Variants in LRTM2 observed in about 807,000 individuals in gnomAD.
LRTM2 encodes the protein leucine-rich repeat and transmembrane domain-containing protein 2.
Under a neutral mutation model 28.1 loss-of-function variants are expected in LRTM2, and 18 were observed. The observed-to-expected ratio is 0.64, with a 90% CI of 0.44 to 0.95. LRTM2 has a LOEUF of 0.95. LRTM2 is among the 40% of genes least tolerant of loss of function. LRTM2 has a pLI of 0.00. For missense variants in LRTM2, 436 were observed against 497.2 expected (o/e 0.88, Z 1.17); for synonymous variants, 250 against 218.7 (o/e 1.14, Z -1.26).
At position 1,827,464 on chromosome 12, in the gene LRTM2, A is replaced by G. The variant is rs1592684161; in HGVS notation, c.-204A>G. ...AGTCTTATTATAGCCCGGCTGGCGG[A>G]AGACAGAGTGCTGCTATTCACCTCT... On this transcript the variant is annotated 5_prime_UTR_variant, in exon 2 of 5. Transcript: ENST00000299194. The G allele has an allele frequency of 6.5e-6, 1 of 152,772 alleles. No homozygotes were observed. 9.5% of individuals were successfully genotyped at this position (152,772 alleles called of 1,614,324 possible).
intron 1 of LRTM2, among the ~76,000 whole-genome samples, chr12:1,824,504 G>C (rs1864238146): frequency 6.6e-6 from 1 of 152,194 alleles, no homozygotes; most frequent in Non-Finnish European, 1.5e-5. Flanking sequence ...GGGACTCCGT[G>C]GAGGCCTGGC....
intron 1 of LRTM2, among the ~76,000 whole-genome samples, chr12:1,823,912 C>A (rs753195672): frequency 2.6e-5 from 4 of 152,190 alleles, no homozygotes; most frequent in Admixed American, 6.5e-5. Flanking sequence ...GTAACCCCCA[C>A]GTGTAAGCAG....
At chr12:1,832,276 G>T (rs763484011) in intron 4 of LRTM2, among the ~76,000 whole-genome samples, 1 of 152,200 alleles carries the variant, frequency 6.6e-6, no homozygotes, top group Non-Finnish European at 1.5e-5. Context: ...TTACCCTTTC[G>T]CTGTGGCAGG....
Position 1,829,165 on chromosome 12 carries a change from G to A in LRTM2, c.67+950G>A, listed in dbSNP as rs139851754. ...TTTATGCCACCTTGATCTCCAGGGA[G>A]GTGGGGGGCGCAGGGAGTCGCTCTT... On this transcript the variant is annotated intron_variant, in intron 3 of 4. Transcript: ENST00000299194. The surrounding 1 kb of genome is among the most constrained non-coding windows in gnomAD (Gnocchi z 4.2). Among the ~76,000 whole-genome samples the A allele has an allele frequency of 1.2e-4, 18 of 152,098 alleles. No homozygotes were observed. The East Asian group carries it at 3.5e-3, about 29-fold the overall frequency.
rs746885379 is a variant in LRTM2 at position 1,831,069 on chromosome 12, G to A, written c.202G>A (p.Ala68Thr). The A allele has an allele frequency of 3.5e-5, 57 of 1,613,856 alleles. No individual in the cohort carries two copies. Among genetic ancestry groups the A allele is most frequent in the South Asian group, 1.9e-4 (17 of 91,094 alleles). ...GLTTVPPDVP[A>T]ATRTLLLLNN... ...CACCACGGTGCCCCCAGACGTGCCC[G>A]CAGCCACCCGAACCCTCTTGCTCTT... Residue 68 changes from alanine to threonine, a missense_variant, in exon 4 of 5, where the codon GCA (alanine) becomes ACA (threonine). Coordinates refer to ENST00000299194, the MANE Select transcript of LRTM2 (RefSeq NM_001039029.3).
intron 4 of LRTM2, among the ~76,000 whole-genome samples, chr12:1,832,900 C>G (rs952693454): frequency 6.6e-6 from 1 of 152,184 alleles, no homozygotes; most frequent in Non-Finnish European, 1.5e-5. Context: ...GTGGGTCTTC[C>G]CAGCAGGGAA....
Position 1,831,398 on chromosome 12 carries a change from G to A in LRTM2, c.531G>A (p.Gln177=), listed in dbSNP as rs769368815. The A allele has an allele frequency of 2.1e-5, 34 of 1,614,116 alleles. 1 individual carries two copies. The highest frequency in any genetic ancestry group is 2.9e-5 in the Non-Finnish European group (34 of 1,180,034). The change falls in exon 4 of 5, where the codon CAG becomes CAA. Residue 177 remains glutamine (Q), a synonymous_variant. Coordinates refer to ENST00000299194, the MANE Select transcript of LRTM2 (RefSeq NM_001039029.3). ...TCTCGCTTCGCTCCAACCGTCTGCA[G>A]AATCTGGACCGGCTGACATTTGAAC... is the stretch of plus-strand genomic sequence containing the variant. ...RSLSLRSNRL[Q]NLDRLTFEPL... is the part of the protein sequence containing the mutation.
intron 1 of LRTM2, among the ~76,000 whole-genome samples, chr12:1,822,480 C>T (rs1864145156): frequency 6.8e-6 from 1 of 146,378 alleles, no homozygotes; most frequent in African/African-American, 2.5e-5. Context: ...AGGGACACCA[C>T]CCTGAGCCCG....
At position 1,828,035 on chromosome 12, in the gene LRTM2, C is replaced by T; in HGVS notation, c.-73-41C>T. On this transcript the variant is annotated intron_variant, in intron 2 of 4. Coordinates refer to ENST00000299194, the MANE Select transcript of LRTM2 (RefSeq NM_001039029.3). The surrounding 1 kb of genome is among the most constrained non-coding windows in gnomAD (Gnocchi z 4.2). Reference sequence around the variant, plus strand: ...CCCTAACCCCTGGGCTGGAACGGGGCTCCCGCGCCTGCCTGTGCTCAGTGC... The same window carrying T: ...CCCTAACCCCTGGGCTGGAACGGGGTTCCCGCGCCTGCCTGTGCTCAGTGC... 1 of 976,574 alleles carries T rather than the reference C, an allele frequency of 1.0e-6. No individual in the cohort carries two copies. Among genetic ancestry groups the T allele is most frequent in the Non-Finnish European group, 1.4e-6 (1 of 703,306 alleles). The allele number at this position is 976,574 out of a possible 1,614,324, so 60.5% of individuals were successfully genotyped here. A position where few individuals can be genotyped will look rare whatever the true frequency, so the allele number is the denominator to read the frequency against.
At chr12:1,821,520 G>T (rs1864100120) in intron 1 of LRTM2, among the ~76,000 whole-genome samples, 1 of 152,190 alleles carries the variant, frequency 6.6e-6, no homozygotes, top group Non-Finnish European at 1.5e-5. Context: ...GGAGAACCAG[G>T]CCCGCGAGAA....
intron 1 of LRTM2, among the ~76,000 whole-genome samples, chr12:1,826,377 C>T (rs1409617436): frequency 2.0e-5 from 3 of 148,016 alleles, no homozygotes; most frequent in Non-Finnish European, 3.0e-5. Flanking sequence ...GTTTAAAGAA[C>T]GGACCAGAGA....
Position 1,828,253 on chromosome 12 carries a change from G to C in LRTM2, c.67+38G>C. The stretch of plus-strand genomic sequence containing the variant: ...CTGGCCTCGGAGGGGGGTGCGGGTT[G>C]GGTGGGGGTGCCGAGGTGACTGTAG... On this transcript the variant is annotated intron_variant, in intron 3 of 4. Transcript: ENST00000299194. This position sits in a 1 kb window ranked among gnomAD's most constrained non-coding sequence, Gnocchi z 4.2. 1.3e-6 allele frequency: 2 copies of C among 1,511,268 alleles called. No individual in the cohort carries two copies. The highest frequency in any genetic ancestry group is 1.8e-6 in the Non-Finnish European group (2 of 1,123,614). 93.6% of individuals were successfully genotyped at this position (1,511,268 alleles called of 1,614,324 possible).
intron 1 of LRTM2, chr12:1,822,222 A>G (rs897732573): frequency 6.6e-5 from 10 of 151,878 alleles, no homozygotes; most frequent in African/African-American, 2.4e-4. Flanking sequence ...CGAGGAGCAA[A>G]CTCTGCTCCC....
rs1486187845 is a variant in LRTM2, at chr12:1,833,031, G to A, written c.659-1236G>A. 1.3e-5 allele frequency among the ~76,000 whole-genome samples: 2 copies of A among 152,162 alleles called. No homozygotes were observed. The highest frequency in any genetic ancestry group is 2.9e-5 in the Non-Finnish European group (2 of 68,036). On this transcript the variant is annotated intron_variant, in intron 4 of 4. Coordinates refer to ENST00000299194, the MANE Select transcript of LRTM2 (RefSeq NM_001039029.3). The surrounding 1 kb of genome is among the most constrained non-coding windows in gnomAD (Gnocchi z 4.2). The stretch of plus-strand genomic sequence containing the variant: ...GTCAGCCGCACAGGGGAACTAGGCC[G>A]GGTGTCTTCAGACCCTCCTCTCCTG...
At position 1,834,701 on chromosome 12, in the gene LRTM2, C is replaced by T; in HGVS notation, c.1093C>T (p.Gln365Ter). The T allele has an allele frequency of 6.3e-7, 1 of 1,599,810 alleles. No individual in the cohort carries two copies. Among genetic ancestry groups the T allele is most frequent in the South Asian group, 1.1e-5 (1 of 90,828 alleles). Residue 365 changes from glutamine (Q) to a stop codon, truncating the protein, a stop_gained, in exon 5 of 5, where the codon CAG (glutamine) becomes TAG (stop). Transcript: ENST00000299194. LOFTEE classifies it high-confidence loss of function. The surrounding 1 kb of genome is among the most constrained non-coding windows in gnomAD (Gnocchi z 7.6). ...CGAGGGCGAGCACGAGGACCAGAAG[C>T]AGATCTCTTCTGTGGCCTGAGCGCC... ...DPEGEHEDQK[Q>*]ISSVA
At chr12:1,832,758 T>C (rs1864688508) in intron 4 of LRTM2, among the ~76,000 whole-genome samples, 1 of 152,258 alleles carries the variant, frequency 6.6e-6, no homozygotes, top group Non-Finnish European at 1.5e-5. Context: ...TGTCTTTTCA[T>C]GTACATGATT....
At position 1,826,614 on chromosome 12, in the gene LRTM2, C is replaced by T. The variant is rs568252497; in HGVS notation, c.-258-796C>T. On this transcript the variant is annotated intron_variant, in intron 1 of 4. Coordinates refer to ENST00000299194, the MANE Select transcript of LRTM2 (RefSeq NM_001039029.3). ...GACCCCTCTGCCAACGCCTGCGGGG[C>T]CTTCGGCAGACTGGCACCCTCGCTG... 2.6e-5 allele frequency among the ~76,000 whole-genome samples: 4 copies of T among 152,358 alleles called. No individual in the cohort carries two copies. In the South Asian group the frequency reaches 8.3e-4, roughly 32 times the overall value.
At position 1,828,350 on chromosome 12, in the gene LRTM2, G is replaced by T; in HGVS notation, c.67+135G>T. ...TACGCCAGATCTTCCTGGGGTACCC[G>T]AGGCTATGTTCTGGGAAGCCAGGGT... On this transcript the variant is annotated intron_variant, in intron 3 of 4. Coordinates refer to ENST00000299194, the MANE Select transcript of LRTM2 (RefSeq NM_001039029.3). The surrounding 1 kb of genome is among the most constrained non-coding windows in gnomAD (Gnocchi z 4.2). The T allele has an allele frequency of 1.4e-6, 1 of 732,362 alleles. No individual in the cohort carries two copies. The highest frequency in any genetic ancestry group is 2.2e-5 in the South Asian group (1 of 44,778). 45.4% of individuals were successfully genotyped at this position (732,362 alleles called of 1,614,324 possible). A position where few individuals can be genotyped will look rare whatever the true frequency, so the allele number is the denominator to read the frequency against.
At position 1,831,352 on chromosome 12, in the gene LRTM2, G is replaced by C. The variant is rs770137250; in HGVS notation, c.485G>C (p.Gly162Ala). 6.2e-7 allele frequency: 1 copy of C among 1,613,874 alleles called. No individual in the cohort carries two copies. The highest frequency in any genetic ancestry group is 1.1e-5 in the South Asian group (1 of 91,082). ...CAGTTGCCCCCTGGTCTTTTCGACG[G>C]GCTCCTGGCTCTGCGCTCCCTCTCG... ...LAQLPPGLFDGLLALRSLSLR... is the reference protein window; with the variant it reads ...LAQLPPGLFDALLALRSLSLR... Residue 162 changes from glycine to alanine, a missense_variant, in exon 4 of 5, where the codon GGG becomes GCG. Physicochemically the swap from Gly to Ala is moderately conservative, Grantham distance 60. Coordinates refer to ENST00000299194, the MANE Select transcript of LRTM2 (RefSeq NM_001039029.3).
Sources: gnomAD v4.1 joint callset for allele counts (sites outside exome capture counted in the v4.1 genomes callset) on GRCh38, gnomAD v4.1.1 for gene constraint, Gnocchi (gnomAD v3.1) non-coding constraint, MANE v1.5 for transcripts, NCBI Gene and HGNC (gene_info 2026-07-23, HGNC 2026-07-21) for gene names.